The following RILPL2 variants were observed in gnomAD, a reference collection of about 807,000 sequenced individuals.
RILPL2 encodes the protein RILP-like protein 2.
RILPL2 carries 19 observed loss-of-function variants against 22.2 expected under a neutral mutation model. The ratio of observed to expected loss-of-function variants is 0.86; its 90% CI spans 0.60 to 1.25. The LOEUF is 1.25. Ranked by LOEUF, RILPL2 falls within the 50% of genes most tolerant of loss-of-function variation. The pLI is 0.00. For missense variants in RILPL2, 243 were observed against 263.6 expected (o/e 0.92, Z 0.54); for synonymous variants, 123 against 111.6 (o/e 1.10, Z -0.64).
chr12:123,434,576 A>C (rs1879737207), intron 1 of RILPL2, among the ~76,000 whole-genome samples: 1 of 151,780 alleles, frequency 6.6e-6, no homozygotes, highest in Non-Finnish European at 1.5e-5. Flanking sequence ...GGCACCCGCC[A>C]CCACGCCCGG....
chr12:123,421,541 C>T (rs1228010814), intron 3 of RILPL2, among the ~76,000 whole-genome samples: 1 of 152,068 alleles, frequency 6.6e-6, no homozygotes, highest in Non-Finnish European at 1.5e-5. Flanking sequence ...TGCCTGACTG[C>T]CTCTTCCTTT....
chr12:123,436,401 C>T lies in RILPL2; in HGVS notation c.20G>A (p.Arg7Gln), dbSNP rs1879805951. The T allele has an allele frequency of 1.3e-6, 2 of 1,549,698 alleles. No individual in the cohort carries two copies. The highest frequency in any genetic ancestry group is 1.7e-6 in the Non-Finnish European group (2 of 1,147,096). ...CTCTCCCTCCTCCTCTTCCTCTTCT[C>T]GCACAGGGGGCTCCTCCATGGCCAC... MEEPPV[R>Q]EEEEEEGEED... Residue 7 changes from arginine to glutamine, a missense_variant, in exon 1 of 4, where the codon CGA (arginine) becomes CAA (glutamine). Transcript: ENST00000280571. This position sits in a 1 kb window ranked among gnomAD's most constrained non-coding sequence, Gnocchi z 6.7.
intron 3 of RILPL2, among the ~76,000 whole-genome samples, chr12:123,418,218 G>C (rs1206039795): frequency 2.6e-5 from 4 of 152,226 alleles, no homozygotes; most frequent in African/African-American, 9.6e-5. Context: ...TTACAGGCAT[G>C]AGCCACTGCT....
chr12:123,417,451 A>G (rs549667692), intron 3 of RILPL2, among the ~76,000 whole-genome samples: 141 of 152,252 alleles, frequency 9.3e-4, no homozygotes, highest in African/African-American at 2.9e-3. Context: ...TCTCTTCCCA[A>G]CGTACCTAGA....
chr12:123,421,515 C>T (rs1224424938), intron 3 of RILPL2, among the ~76,000 whole-genome samples: 1 of 152,018 alleles, frequency 6.6e-6, no homozygotes, highest in East Asian at 1.9e-4. Flanking sequence ...CATGACTTTG[C>T]TCTCTGGAAG....
In RILPL2 at chr12:123,423,036, A is replaced by G; in HGVS notation, c.605+8T>C. 1 of 1,593,770 alleles carries G rather than the reference A, an allele frequency of 6.3e-7. No homozygotes were observed. Among genetic ancestry groups the G allele is most frequent in the Non-Finnish European group, 8.6e-7 (1 of 1,162,106 alleles). ...GGCGGGACCGGGGGGCAGCAAGGTG[A>G]CACTTACAGCTTTTTTATGATTGTC... is the stretch of plus-strand genomic sequence containing the variant. On this transcript the variant is annotated splice_region_variant and intron_variant, in intron 3 of 3. Coordinates refer to ENST00000280571, the MANE Select transcript of RILPL2 (RefSeq NM_145058.3).
chr12:123,414,372 T>C (rs528081751), downstream of RILPL2: 66 of 153,328 alleles, frequency 4.3e-4, no homozygotes, highest in Non-Finnish European at 8.3e-4. Context: ...AAGCCCCTCA[T>C]TGCCCGGAGC....
Position 123,430,356 on chromosome 12 carries a change from C to A in RILPL2, c.491+152G>T, listed in dbSNP as rs551539238. ...CCCGGGAGGCAGAGGTTGCAGTGAG[C>A]CGAGATCGCGCCACTGCACTCCAGC... On this transcript the variant is annotated intron_variant, in intron 2 of 3. Coordinates refer to ENST00000280571, the MANE Select transcript of RILPL2 (RefSeq NM_145058.3). 713 of 575,282 alleles carry A rather than the reference C, an allele frequency of 1.2e-3. 4 individuals carry two copies. The highest frequency in any genetic ancestry group is 9.9e-4 in the Non-Finnish European group (375 of 377,262). The allele number at this position is 575,282 out of a possible 1,614,324, so 35.6% of individuals were successfully genotyped here. A position where few individuals can be genotyped will look rare whatever the true frequency, so the allele number is the denominator to read the frequency against.
intron 3 of RILPL2, among the ~76,000 whole-genome samples, chr12:123,419,025 T>A (rs1386158187): frequency 6.7e-6 from 1 of 149,584 alleles, no homozygotes; most frequent in Non-Finnish European, 1.5e-5. Context: ...CTTTTTTTTT[T>A]TTTGAGACGG....
chr12:123,422,005 C>T (rs1247358194), intron 3 of RILPL2, among the ~76,000 whole-genome samples: 9 of 132,354 alleles, frequency 6.8e-5, no homozygotes, highest in East Asian at 2.3e-4. Flanking sequence ...CTTTCTCTCT[C>T]TTTTTTTTTT....
chr12:123,436,645 T>A lies in RILPL2; in HGVS notation c.-225A>T, dbSNP rs1368253619. ...CTGCCAGCCACGCTGGAGAGTGCGC[T>A]CCAGGATGTGGTTTGGGGCGCGAAG... is the stretch of plus-strand genomic sequence containing the variant. On this transcript the variant is annotated 5_prime_UTR_variant, in exon 1 of 4. Coordinates refer to ENST00000280571, the MANE Select transcript of RILPL2 (RefSeq NM_145058.3). This position sits in a 1 kb window ranked among gnomAD's most constrained non-coding sequence, Gnocchi z 6.7. 3.4e-5 allele frequency: 24 copies of A among 699,550 alleles called. No homozygotes were observed. The allele number at this position is 699,550 out of a possible 1,614,324, so 43.3% of individuals were successfully genotyped here.
intron 2 of RILPL2, among the ~76,000 whole-genome samples, chr12:123,429,485 T>C (rs1168063109): frequency 6.6e-6 from 1 of 151,498 alleles, no homozygotes; most frequent in South Asian, 2.1e-4. Context: ...TTAGTAGAGA[T>C]GGGGTTTCAC....
chr12:123,416,038 G>T, intron 3 of RILPL2, 117 bp from the exon 4 acceptor site: 3 of 1,016,636 alleles, frequency 3.0e-6, no homozygotes, highest in Non-Finnish European at 4.7e-6. Flanking sequence ...ATATGTCCAG[G>T]CCAGGCATTG....
At chr12:123,435,407 C>A (rs1879767199) in intron 1 of RILPL2, among the ~76,000 whole-genome samples, 1 of 152,080 alleles carries the variant, frequency 6.6e-6, no homozygotes, top group Non-Finnish European at 1.5e-5. Context: ...TTGTCTATGT[C>A]TTTTTGTGGT....
intron 2 of RILPL2, among the ~76,000 whole-genome samples, chr12:123,428,750 G>A (rs572802281): frequency 6.6e-6 from 1 of 152,260 alleles, no homozygotes; most frequent in East Asian, 1.9e-4. Context: ...CCACCACTCT[G>A]GTCCTCAGCT....
At chr12:123,434,914 C>A (rs903754024) in intron 1 of RILPL2, among the ~76,000 whole-genome samples, 6 of 151,666 alleles carry the variant, frequency 4.0e-5, no homozygotes, top group Admixed American at 3.3e-4. Flanking sequence ...GTGGCTCAGG[C>A]CTGTAATCCC....
chr12:123,435,985 G>C lies in RILPL2; in HGVS notation c.339+97C>G, dbSNP rs1593497678. On this transcript the variant is annotated intron_variant, in intron 1 of 3. Transcript: ENST00000280571. ...TCTTAAAAAAAGAAAAAAGAGAAAA[G>C]AGAAGAGAAAAGAAAAGGAAGGCGT... is the stretch of plus-strand genomic sequence containing the variant. 6.3e-6 allele frequency: 9 copies of C among 1,423,428 alleles called. No homozygotes were observed. The East Asian group carries it at 1.5e-4, about 24-fold the overall frequency. 88.2% of individuals were successfully genotyped at this position (1,423,428 alleles called of 1,614,324 possible).
intron 2 of RILPL2, among the ~76,000 whole-genome samples, chr12:123,426,690 C>T (rs1220753017): frequency 6.6e-6 from 1 of 151,350 alleles, no homozygotes; most frequent in African/African-American, 2.4e-5. Flanking sequence ...AGGCTCTGCC[C>T]CCCGGGGCTC....
At chr12:123,421,035 T>C (rs972693713) in intron 3 of RILPL2, among the ~76,000 whole-genome samples, 7 of 151,846 alleles carry the variant, frequency 4.6e-5, no homozygotes, top group Admixed American at 3.9e-4. Flanking sequence ...GTGGGAGCTA[T>C]GTTAAATCTT....
Sources: allele counts gnomAD v4.1 joint callset (sites outside exome capture counted in the v4.1 genomes callset), GRCh38; gene constraint gnomAD v4.1.1; non-coding constraint Gnocchi (gnomAD v3.1); transcripts MANE v1.5; gene names NCBI Gene and HGNC (gene_info 2026-07-23, HGNC 2026-07-21).